The following TDRP variants were observed in gnomAD, a reference collection of about 807,000 sequenced individuals.
The protein encoded by TDRP is testis development related protein, also known as testis development-related protein.
Under a neutral mutation model 10.5 loss-of-function variants are expected in TDRP, and 12 were observed. The observed-to-expected ratio is 1.15, with a 90% CI of 0.73 to 1.86. TDRP has a LOEUF of 1.86. Ranked by LOEUF, TDRP falls within the 40% of genes most tolerant of loss-of-function variation. The pLI is 0.00. For missense variants in TDRP, 353 were observed against 229.2 expected (o/e 1.54, Z -3.49); for synonymous variants, 139 against 95.4 (o/e 1.46, Z -2.67).
intron 1 of TDRP, among the ~76,000 whole-genome samples, chr8:504,417 G>T (rs536066702): frequency 6.6e-6 from 1 of 152,166 alleles, no homozygotes; most frequent in African/African-American, 2.4e-5. Flanking sequence ...GAAGTCAGTG[G>T]GGGGAGGCAG....
At chr8:512,771 T>A (rs1387210332) in intron 1 of TDRP, among the ~76,000 whole-genome samples, 1 of 152,066 alleles carries the variant, frequency 6.6e-6, no homozygotes, top group Non-Finnish European at 1.5e-5. Flanking sequence ...GGCCATGAAT[T>A]TGAGAACAGC....
intron 1 of TDRP, among the ~76,000 whole-genome samples, chr8:511,712 A>G (rs1435107743): frequency 6.6e-6 from 1 of 152,258 alleles, no homozygotes; most frequent in East Asian, 1.9e-4. Context: ...AAACCTGGAT[A>G]TATTTAACAG....
intron 1 of TDRP, among the ~76,000 whole-genome samples, chr8:535,229 A>T (rs1189169039): frequency 6.6e-6 from 1 of 152,078 alleles, no homozygotes; most frequent in Non-Finnish European, 1.5e-5. Flanking sequence ...GGCTGTCCAC[A>T]CACTCGCCTG....
At chr8:521,254 A>C (rs1463783088) in intron 1 of TDRP, among the ~76,000 whole-genome samples, 1,513 of 149,158 alleles carry the variant, frequency 0.01, 37 homozygotes, top group African/African-American at 0.036. Context: ...TCCAAAAAAA[A>C]AAAAAAAAAA....
chr8:512,964 T>G (rs1178467068), intron 1 of TDRP, among the ~76,000 whole-genome samples: 40 of 61,996 alleles, frequency 6.5e-4, no homozygotes, highest in African/African-American at 3.3e-3. Flanking sequence ...AGAGCAAGAT[T>G]TCACCTCAAA....
intron 1 of TDRP, among the ~76,000 whole-genome samples, chr8:530,931 T>C (rs1443615026): frequency 6.6e-6 from 1 of 152,062 alleles, no homozygotes; most frequent in Non-Finnish European, 1.5e-5. Context: ...CACTGCTGAG[T>C]CTCTGATGCT....
rs929987558 is a variant in TDRP, at chr8:495,571, G to A, written c.109-974C>T. Among the ~76,000 whole-genome samples, 8 of 152,118 alleles carry A rather than the reference G, an allele frequency of 5.3e-5. No individual in the cohort carries two copies. The East Asian group carries it at 9.6e-4, about 18-fold the overall frequency. ...ACCATCTGAAAATCCGGCGTGTGTC[G>A]AAGGCCCTTCATATTCACTGATTAA... is the stretch of plus-strand genomic sequence containing the variant. On this transcript the variant is annotated intron_variant, in intron 1 of 2. Coordinates refer to ENST00000324079, the MANE Select transcript of TDRP (RefSeq NM_001384899.1).
chr8:544,633 C>G lies in TDRP; in HGVS notation c.108+17G>C, dbSNP rs1802586227. 3 of 1,235,152 alleles carry G rather than the reference C, an allele frequency of 2.4e-6. No individual in the cohort carries two copies. 76.5% of individuals were successfully genotyped at this position (1,235,152 alleles called of 1,614,324 possible). A position where few individuals can be genotyped will look rare whatever the true frequency, so the allele number is the denominator to read the frequency against. On this transcript the variant is annotated intron_variant, in intron 1 of 2. Coordinates refer to ENST00000324079, the MANE Select transcript of TDRP (RefSeq NM_001384899.1). Reference sequence around the variant, plus strand: ...GCCCCCGGCCTACTAGCACTCCCCACCTGCGCACCCCCTCACCTGCGCCTG... The same window carrying G: ...GCCCCCGGCCTACTAGCACTCCCCAGCTGCGCACCCCCTCACCTGCGCCTG...
intron 1 of TDRP, among the ~76,000 whole-genome samples, chr8:540,806 TA>T (rs60390652): frequency 0.11 from 14,062 of 124,844 alleles, 824 homozygotes; most frequent in African/African-American, 0.17. Flanking sequence ...CTTTTTCACG[TA>T]AAAAAAAAAA....
At chr8:523,990 G>A (rs1376059165) in intron 1 of TDRP, among the ~76,000 whole-genome samples, 2 of 152,228 alleles carry the variant, frequency 1.3e-5, no homozygotes, top group Admixed American at 6.5e-5. Flanking sequence ...GCAGGGCCTT[G>A]AGCGAGATCC....
chr8:510,160 G>A (rs1801575089), intron 1 of TDRP, among the ~76,000 whole-genome samples: 1 of 152,174 alleles, frequency 6.6e-6, no homozygotes, highest in Admixed American at 6.5e-5. Context: ...GTTGTGACTG[G>A]GGTTTAAATA....
intron 1 of TDRP, among the ~76,000 whole-genome samples, chr8:542,722 G>T (rs1254561257): frequency 6.6e-6 from 1 of 151,960 alleles, no homozygotes; most frequent in African/African-American, 2.4e-5. Context: ...AATTAGCCAG[G>T]CGTGGTGACA....
intron 1 of TDRP, among the ~76,000 whole-genome samples, chr8:516,227 T>A (rs1801754296): frequency 6.6e-6 from 1 of 152,120 alleles, no homozygotes. Context: ...TATTCCCTTG[T>A]CATAAAATCT....
At chr8:493,399 T>C (rs947520466) in intron 2 of TDRP, among the ~76,000 whole-genome samples, 1 of 152,280 alleles carries the variant, frequency 6.6e-6, no homozygotes, top group South Asian at 2.1e-4. Flanking sequence ...GGTTTACCCA[T>C]CCTCTACAGA....
chr8:515,955 G>T (rs963736055), intron 1 of TDRP, among the ~76,000 whole-genome samples: 1 of 151,988 alleles, frequency 6.6e-6, no homozygotes, highest in South Asian at 2.1e-4. Flanking sequence ...TTAGACAATA[G>T]AAAAAGAAAT....
chr8:542,141 A>G (rs891878546), intron 1 of TDRP, among the ~76,000 whole-genome samples: 1 of 152,210 alleles, frequency 6.6e-6, no homozygotes, highest in African/African-American at 2.4e-5. Context: ...GCATCTTTCT[A>G]AGTGAGAGAA....
At position 491,852 on chromosome 8, in the gene TDRP, A is replaced by G. The variant is rs1411299424; in HGVS notation, c.*547T>C. ...TTTAAGATACATTTTACTCCCAAAT[A>G]TAAGCTTTGCTTTTCCAGTATTTGT... On this transcript the variant is annotated 3_prime_UTR_variant, in exon 3 of 3. Transcript: ENST00000324079. The G allele has an allele frequency of 8.2e-7, 1 of 1,222,744 alleles. No homozygotes were observed. The highest frequency in any genetic ancestry group is 1.0e-6 in the Non-Finnish European group (1 of 981,676). The allele number at this position is 1,222,744 out of a possible 1,614,324, so 75.7% of individuals were successfully genotyped here. A position where few individuals can be genotyped will look rare whatever the true frequency, so the allele number is the denominator to read the frequency against.
intron 1 of TDRP, among the ~76,000 whole-genome samples, chr8:502,389 A>T (rs2116742150): frequency 6.6e-6 from 1 of 152,330 alleles, no homozygotes; most frequent in East Asian, 1.9e-4. Context: ...CGTGTTCACC[A>T]AATTGCAGGG....
At chr8:499,748 T>A (rs910782550) in intron 1 of TDRP, among the ~76,000 whole-genome samples, 1 of 152,086 alleles carries the variant, frequency 6.6e-6, no homozygotes, top group African/African-American at 2.4e-5. Flanking sequence ...CCTCTGAGCA[T>A]CCCCCGGGAA....
Sources: gnomAD v4.1 joint callset for allele counts (sites outside exome capture counted in the v4.1 genomes callset) on GRCh38, gnomAD v4.1.1 for gene constraint, MANE v1.5 for transcripts, NCBI Gene and HGNC (gene_info 2026-07-23, HGNC 2026-07-21) for gene names.